ZDHHC21: variants seen among roughly 807,000 people sequenced by gnomAD.
ZDHHC21 encodes the protein palmitoyltransferase ZDHHC21.
Under a neutral mutation model 34.6 loss-of-function variants are expected in ZDHHC21, and 15 were observed. The ratio of observed to expected loss-of-function variants is 0.43; its 90% CI spans 0.29 to 0.67. The LOEUF is 0.67. Among genes scored for constraint, ZDHHC21 ranks in the 30% least tolerant of loss-of-function variants. The pLI is 0.14. For missense variants in ZDHHC21, 344 were observed against 327.7 expected (o/e 1.05, Z -0.38); for synonymous variants, 142 against 101.8 (o/e 1.40, Z -2.38).
At chr9:14,686,113 T>G (rs1838279750) in intron 2 of ZDHHC21, among the ~76,000 whole-genome samples, 1 of 151,498 alleles carries the variant, frequency 6.6e-6, no homozygotes, top group Non-Finnish European at 1.5e-5. Context: ...AAATGACGAG[T>G]TAATGGGTGC....
the ZDHHC21 span, among the ~76,000 whole-genome samples, chr9:14,602,787 G>C: frequency 6.6e-6 from 1 of 152,126 alleles, no homozygotes; most frequent in South Asian, 2.1e-4. Flanking sequence ...GCCAGGCACA[G>C]TGAATTGCAC....
the ZDHHC21 span, among the ~76,000 whole-genome samples, chr9:14,592,175 T>C: frequency 6.6e-6 from 1 of 152,078 alleles, no homozygotes; most frequent in African/African-American, 2.4e-5. Flanking sequence ...AACATTTTAA[T>C]TCCTCTATTG....
intron 2 of ZDHHC21, among the ~76,000 whole-genome samples, chr9:14,680,522 T>C (rs1292211206): frequency 2.6e-5 from 4 of 152,128 alleles, no homozygotes; most frequent in Admixed American, 6.6e-5. Flanking sequence ...CTAATCACAG[T>C]TCATAAACAG....
intron 6 of ZDHHC21, among the ~76,000 whole-genome samples, chr9:14,661,837 A>T (rs1438290979): frequency 6.6e-6 from 1 of 152,216 alleles, no homozygotes; most frequent in East Asian, 1.9e-4. Context: ...AAAAGGGGAT[A>T]TAAACATTCG....
In ZDHHC21 at chr9:14,614,068, A is replaced by C. The variant is rs916717216; in HGVS notation, c.*4898T>G. On this transcript the variant is annotated 3_prime_UTR_variant, in exon 10 of 10. Coordinates refer to ENST00000380916, the MANE Select transcript of ZDHHC21 (RefSeq NM_178566.6). ...TTCCCATAAAAATGGTATAAATAAG[A>C]GATAAGGCTAAAATGATTACAGCAA... 6.6e-6 allele frequency: 1 copy of C among 151,772 alleles called. No individual in the cohort carries two copies. The highest frequency in any genetic ancestry group is 1.5e-5 in the Non-Finnish European group (1 of 67,762). The allele number at this position is 151,772 out of a possible 1,614,324, so 9.4% of individuals were successfully genotyped here.
At chr9:14,599,986 G>A in the ZDHHC21 span, among the ~76,000 whole-genome samples, 4 of 152,074 alleles carry the variant, frequency 2.6e-5, no homozygotes, top group Non-Finnish European at 5.9e-5. Flanking sequence ...CAACAAACTA[G>A]GTATTGATGG....
chr9:14,678,421 T>C (rs1274713129), intron 3 of ZDHHC21, among the ~76,000 whole-genome samples: 2 of 151,886 alleles, frequency 1.3e-5, no homozygotes, highest in East Asian at 3.9e-4. Context: ...AAAGAAGCAA[T>C]TCACAAAGGG....
chr9:14,642,175 TAAA>T (rs572530533), intron 7 of ZDHHC21, among the ~76,000 whole-genome samples: 1 of 152,178 alleles, frequency 6.6e-6, no homozygotes, highest in African/African-American at 2.4e-5. Context: ...AATACAGTAG[TAAA>T]AAAACTTTAA....
intron 8 of ZDHHC21, among the ~76,000 whole-genome samples, chr9:14,634,252 C>A (rs751688806): frequency 6.6e-6 from 1 of 152,230 alleles, no homozygotes; most frequent in Non-Finnish European, 1.5e-5. Context: ...CCTACACAAA[C>A]CACTTGGGAG....
the ZDHHC21 span, chr9:14,590,143 T>A: frequency 1.3e-5 from 2 of 152,030 alleles, no homozygotes; most frequent in African/African-American, 2.4e-5. Context: ...AAAAATACAA[T>A]ATCTAAAATG....
At chr9:14,638,583 T>G (rs139291355) in intron 8 of ZDHHC21, among the ~76,000 whole-genome samples, 1 of 151,774 alleles carries the variant, frequency 6.6e-6, no homozygotes, top group Admixed American at 6.6e-5. Context: ...AATCAACACA[T>G]TGAAGAGACA....
intron 5 of ZDHHC21, among the ~76,000 whole-genome samples, chr9:14,671,997 A>G (rs1250889897): frequency 1.3e-5 from 2 of 152,170 alleles, no homozygotes; most frequent in Non-Finnish European, 2.9e-5. Context: ...TATATGCTCA[A>G]AAGTTTATAA....
chr9:14,691,607 A>C (rs534675173), intron 1 of ZDHHC21, among the ~76,000 whole-genome samples: 91 of 152,296 alleles, frequency 6.0e-4, no homozygotes, highest in Non-Finnish European at 2.8e-4. Context: ...TAAACAAAGT[A>C]CCTCGTAGGC....
In ZDHHC21 at chr9:14,619,096, G is replaced by C. The variant is rs758539863; in HGVS notation, c.668C>G (p.Ser223Trp). ...EKMSNCCEDI[S>W]RPRKPWQQTF... ...CTGCTGCCATGGCTTTCGGGGCCTC[G>C]ATCTACAGAAGACAGCATTATTAGT... Residue 223 changes from serine to tryptophan, a missense_variant and splice_region_variant, in exon 10 of 10, where the codon TCG (serine) becomes TGG (tryptophan). Coordinates refer to ENST00000380916, the MANE Select transcript of ZDHHC21 (RefSeq NM_178566.6). The C allele has an allele frequency of 1.9e-6, 3 of 1,606,150 alleles. No homozygotes were observed. Among genetic ancestry groups the C allele is most frequent in the Admixed American group, 3.4e-5 (2 of 59,314 alleles).
At chr9:14,644,575 T>G (rs1471128749) in intron 7 of ZDHHC21, among the ~76,000 whole-genome samples, 1 of 152,052 alleles carries the variant, frequency 6.6e-6, no homozygotes, top group East Asian at 1.9e-4. Flanking sequence ...AAGTTCTAGT[T>G]TACTAAGAGT....
the ZDHHC21 span, among the ~76,000 whole-genome samples, chr9:14,592,381 G>C: frequency 1.3e-5 from 2 of 151,562 alleles, no homozygotes; most frequent in African/African-American, 4.8e-5. Flanking sequence ...CATATTTACT[G>C]CTTCATGAAG....
intron 8 of ZDHHC21, among the ~76,000 whole-genome samples, chr9:14,634,637 C>T (rs1465413401): frequency 6.6e-6 from 1 of 152,146 alleles, no homozygotes; most frequent in East Asian, 1.9e-4. Context: ...ACTGCACATT[C>T]CCAGAATCAA....
At chr9:14,643,224 G>C (rs1829691604) in intron 7 of ZDHHC21, among the ~76,000 whole-genome samples, 1 of 152,048 alleles carries the variant, frequency 6.6e-6, no homozygotes, top group Non-Finnish European at 1.5e-5. Context: ...CTCCAGCCTG[G>C]GCAACAGAGT....
chr9:14,682,006 C>T (rs1044143171), intron 2 of ZDHHC21, among the ~76,000 whole-genome samples: 2 of 152,040 alleles, frequency 1.3e-5, no homozygotes, highest in African/African-American at 4.8e-5. Flanking sequence ...ATTTGGTCAC[C>T]ACCAGGCCTG....
Sources: gnomAD v4.1 joint callset for allele counts (sites outside exome capture counted in the v4.1 genomes callset) on GRCh38, gnomAD v4.1.1 for gene constraint, MANE v1.5 for transcripts, NCBI Gene and HGNC (gene_info 2026-07-23, HGNC 2026-07-21) for gene names.